The following NFIA variants were observed in gnomAD, a reference collection of about 807,000 sequenced individuals.
NFIA encodes the protein nuclear factor I A, also known as nuclear factor 1 A-type.
NFIA carries 8 observed loss-of-function variants against 62.8 expected under a neutral mutation model. That is an observed-to-expected ratio of 0.13 (90% CI 0.07 to 0.23). The LOEUF (loss-of-function observed/expected upper bound fraction) is 0.23, where lower values mean the gene tolerates loss of function less well. NFIA is among the 10% of genes least tolerant of loss of function. The pLI, the probability that NFIA is intolerant of heterozygous loss-of-function variation, is 1.00. For missense variants in NFIA, 410 were observed against 642.1 expected (o/e 0.64, Z 3.91); for synonymous variants, 235 against 238.1 (o/e 0.99, Z 0.12).
At chr1:61,085,326 C>G (rs774415859) in intron 1 of NFIA, among the ~76,000 whole-genome samples, 42 of 152,092 alleles carry the variant, frequency 2.8e-4, no homozygotes, top group Non-Finnish European at 4.9e-4. Context: ...AAAGTAGTTT[C>G]CAGAAATATC....
At chr1:61,126,160 A>C (rs1001013026) in intron 2 of NFIA, among the ~76,000 whole-genome samples, 3 of 152,204 alleles carry the variant, frequency 2.0e-5, no homozygotes, top group African/African-American at 7.2e-5. Flanking sequence ...ACCTAGGTCC[A>C]TCTTCTTGCA....
At chr1:61,099,692 C>A (rs1447554989) in intron 2 of NFIA, among the ~76,000 whole-genome samples, 1 of 152,176 alleles carries the variant, frequency 6.6e-6, no homozygotes, top group African/African-American at 2.4e-5. Context: ...AATAGACGTT[C>A]AGAGAGCATC....
intron 6 of NFIA, among the ~76,000 whole-genome samples, chr1:61,370,333 G>A (rs1175537335): frequency 3.9e-5 from 6 of 152,204 alleles, no homozygotes; most frequent in African/African-American, 1.4e-4. Context: ...CACGTCGACA[G>A]AGTAAATCAA....
At chr1:61,305,742 G>T (rs879880605) in intron 3 of NFIA, among the ~76,000 whole-genome samples, 1 of 152,030 alleles carries the variant, frequency 6.6e-6, no homozygotes, top group Non-Finnish European at 1.5e-5. Flanking sequence ...AACAGAAGAA[G>T]ACTCTGAGGC....
At chr1:61,369,619 T>TATGGAAA (rs1663776937) in intron 6 of NFIA, among the ~76,000 whole-genome samples, 1 of 152,162 alleles carries the variant, frequency 6.6e-6, no homozygotes, top group Non-Finnish European at 1.5e-5. Context: ...GTAGCTATTT[T>TATGGAAA]ATAGACTCAA....
chr1:61,245,278 A>G (rs1655572403), intron 2 of NFIA, among the ~76,000 whole-genome samples: 1 of 152,170 alleles, frequency 6.6e-6, no homozygotes, highest in Non-Finnish European at 1.5e-5. Context: ...GTAAGTATTC[A>G]TTCATTGTGT....
At chr1:61,441,292 GGTGTGTGTGTGTGTGT>G (rs763246425) in intron 10 of NFIA, among the ~76,000 whole-genome samples, 4 of 139,466 alleles carry the variant, frequency 2.9e-5, no homozygotes, top group South Asian at 2.4e-4. Flanking sequence ...GCCGTGCAGG[GGTGTGTGTGTGTGTGT>G]GTGTGTGTGT....
At chr1:61,304,285 AAGAGAG>A (rs376576764) in intron 3 of NFIA, among the ~76,000 whole-genome samples, 3 of 151,448 alleles carry the variant, frequency 2.0e-5, no homozygotes, top group East Asian at 3.9e-4. Context: ...AAAAAAGAAA[AAGAGAG>A]AGAGAGAGAG....
At chr1:61,446,375 C>T (rs978669938) in intron 10 of NFIA, among the ~76,000 whole-genome samples, 1 of 152,122 alleles carries the variant, frequency 6.6e-6, no homozygotes, top group Non-Finnish European at 1.5e-5. Context: ...TCCTTAGGGA[C>T]TGTTGGTCTG....
At chr1:61,424,326 TTCACAAAAAA>T (rs1225756715) in intron 9 of NFIA, among the ~76,000 whole-genome samples, 2 of 152,048 alleles carry the variant, frequency 1.3e-5, no homozygotes, top group African/African-American at 2.4e-5. Context: ...TGAAGCTATC[TTCACAAAAAA>T]TGACACCCCC....
chr1:61,142,953 C>G (rs1362675791), intron 2 of NFIA, among the ~76,000 whole-genome samples: 1 of 152,174 alleles, frequency 6.6e-6, no homozygotes, highest in Admixed American at 6.5e-5. Flanking sequence ...GTGGCGACTG[C>G]TTGGCCCAAG....
chr1:61,381,178 TG>T (rs1450152736), intron 6 of NFIA, among the ~76,000 whole-genome samples: 1 of 152,126 alleles, frequency 6.6e-6, no homozygotes, highest in East Asian at 1.9e-4. Context: ...TTTTATGACA[TG>T]TAGTTCAGGC....
At chr1:61,431,718 C>T (rs1667102111) in intron 10 of NFIA, among the ~76,000 whole-genome samples, 1 of 152,196 alleles carries the variant, frequency 6.6e-6, no homozygotes, top group Admixed American at 6.5e-5. Flanking sequence ...TGGAGAGGTC[C>T]CTGCATAGCC....
intron 2 of NFIA, among the ~76,000 whole-genome samples, chr1:61,194,971 A>G (rs542255223): frequency 3.4e-4 from 51 of 152,138 alleles, no homozygotes; most frequent in Non-Finnish European, 4.4e-4. Flanking sequence ...GTTCCTATCA[A>G]TTTCCCCTTT....
intron 2 of NFIA, among the ~76,000 whole-genome samples, chr1:61,231,666 T>C (rs1654676621): frequency 6.6e-6 from 1 of 152,066 alleles, no homozygotes; most frequent in Admixed American, 6.6e-5. Flanking sequence ...CAATTTAAGA[T>C]TAAAAATAGC....
At chr1:61,262,893 G>A (rs1656857796) in intron 2 of NFIA, among the ~76,000 whole-genome samples, 1 of 152,306 alleles carries the variant, frequency 6.6e-6, no homozygotes, top group South Asian at 2.1e-4. Context: ...TAGCTCTGCT[G>A]TGTTGTTCCA....
rs147816479 is a variant in NFIA, at chr1:61,239,104, A to G, written c.560-38416A>G. 3.3e-3 allele frequency among the ~76,000 whole-genome samples: 496 copies of G among 152,340 alleles called. 1 individual carries two copies. The highest frequency in any genetic ancestry group is 5.7e-3 in the Non-Finnish European group (390 of 68,032). On this transcript the variant is annotated intron_variant, in intron 2 of 10. Coordinates refer to ENST00000403491, the MANE Select transcript of NFIA (RefSeq NM_001134673.4). Reference sequence around the variant, plus strand: ...TGCTGTAAGTTGTTAAGACTCAGTTATATCCTGTTCAGGATTTCTCACGTT... The same window carrying G: ...TGCTGTAAGTTGTTAAGACTCAGTTGTATCCTGTTCAGGATTTCTCACGTT...
At chr1:61,212,752 C>G (rs1653346657) in intron 2 of NFIA, among the ~76,000 whole-genome samples, 1 of 152,178 alleles carries the variant, frequency 6.6e-6, no homozygotes, top group Non-Finnish European at 1.5e-5. Flanking sequence ...CCTGCAGACC[C>G]CCACCCTGCT....
At chr1:61,086,144 T>C (rs1646214464) in intron 1 of NFIA, among the ~76,000 whole-genome samples, 1 of 152,180 alleles carries the variant, frequency 6.6e-6, no homozygotes, top group Non-Finnish European at 1.5e-5. Flanking sequence ...TGGTGAAAGC[T>C]CACTTGGTAG....
Sources: gnomAD v4.1 joint callset for allele counts (sites outside exome capture counted in the v4.1 genomes callset) on GRCh38, gnomAD v4.1.1 for gene constraint, MANE v1.5 for transcripts, NCBI Gene and HGNC (gene_info 2026-07-23, HGNC 2026-07-21) for gene names.